ESRRG: variants seen among roughly 807,000 people sequenced by gnomAD.
ESRRG encodes estrogen-related receptor gamma.
ESRRG carries 13 observed loss-of-function variants against 44.0 expected under a neutral mutation model. The ratio of observed to expected loss-of-function variants is 0.30; its 90% confidence interval spans 0.19 to 0.47. The LOEUF (loss-of-function observed/expected upper bound fraction) is 0.47, where lower values mean the gene tolerates loss of function less well. Among genes scored for constraint, ESRRG ranks in the 20% least tolerant of loss-of-function variants. The pLI, the probability that ESRRG is intolerant of heterozygous loss-of-function variation, is 1.00. For missense variants in ESRRG, 395 were observed against 580.6 expected, an observed-to-expected ratio of 0.68 and a Z score of 3.29; for synonymous variants, 215 against 214.6, an observed-to-expected ratio of 1.00 and a Z score of -0.02.
chr1:216,907,857 G>A (rs566192329), intron 2 of ESRRG, among the ~76,000 whole-genome samples: 64 of 152,240 alleles, frequency 4.2e-4, no homozygotes, highest in Non-Finnish European at 6.6e-4. Context: ...ACAAAGAATC[G>A]AGATCACCCT....
intron 2 of ESRRG, among the ~76,000 whole-genome samples, chr1:216,887,910 T>C (rs528542373): frequency 6.6e-6 from 1 of 152,322 alleles, no homozygotes; most frequent in South Asian, 2.1e-4. Flanking sequence ...AGGAGCTAAA[T>C]CTTAGATGCA....
At chr1:216,801,978 A>C (rs1369960136) in intron 2 of ESRRG, among the ~76,000 whole-genome samples, 1 of 152,140 alleles carries the variant, frequency 6.6e-6, no homozygotes, top group African/African-American at 2.4e-5. Flanking sequence ...GAGAGACAAA[A>C]ATGAGTTCAT....
At chr1:216,749,402 G>C (rs1001245324) in intron 2 of ESRRG, among the ~76,000 whole-genome samples, 1 of 152,104 alleles carries the variant, frequency 6.6e-6, no homozygotes, top group Non-Finnish European at 1.5e-5. Context: ...TGAATACAAA[G>C]TGATTAGAGA....
intron 3 of ESRRG, among the ~76,000 whole-genome samples, chr1:216,579,770 C>T (rs1055097779): frequency 6.6e-6 from 1 of 152,082 alleles, no homozygotes; most frequent in East Asian, 1.9e-4. Context: ...ACACATTTTC[C>T]CATTCACAAG....
chr1:216,600,533 C>CT (rs1380577569), intron 3 of ESRRG, among the ~76,000 whole-genome samples: 1 of 152,076 alleles, frequency 6.6e-6, no homozygotes, highest in East Asian at 1.9e-4. Flanking sequence ...TGTTTTTTAA[C>CT]TTTTAAGTTC....
chr1:217,104,590 G>C (rs1343626084), intron 1 of ESRRG, among the ~76,000 whole-genome samples: 3 of 152,128 alleles, frequency 2.0e-5, no homozygotes, highest in Non-Finnish European at 4.4e-5. Context: ...AAGGATGATG[G>C]GGTAAATGAG....
intron 1 of ESRRG, among the ~76,000 whole-genome samples, chr1:216,978,574 T>G (rs1272876226): frequency 6.6e-6 from 1 of 152,172 alleles, no homozygotes; most frequent in East Asian, 1.9e-4. Flanking sequence ...ACATCCAATA[T>G]CTATCTTTCA....
At chr1:216,942,217 C>T (rs1218849441) in intron 1 of ESRRG, among the ~76,000 whole-genome samples, 2 of 152,178 alleles carry the variant, frequency 1.3e-5, no homozygotes. Flanking sequence ...CCTCCAGCTG[C>T]ATCCACGTTG....
At chr1:216,630,656 T>G (rs2064000898) in intron 3 of ESRRG, among the ~76,000 whole-genome samples, 1 of 152,126 alleles carries the variant, frequency 6.6e-6, no homozygotes, top group South Asian at 2.1e-4. Flanking sequence ...GTACTACTGT[T>G]CTCTGAACAA....
intron 2 of ESRRG, among the ~76,000 whole-genome samples, chr1:216,652,884 T>C (rs980525211): frequency 3.9e-5 from 6 of 152,168 alleles, no homozygotes; most frequent in Admixed American, 3.3e-4. Context: ...TTCCACCCTG[T>C]TCGGCTCCCC....
At chr1:216,790,727 C>G (rs17043841) in intron 2 of ESRRG, among the ~76,000 whole-genome samples, 4,897 of 152,090 alleles carry the variant, frequency 0.032, 209 homozygotes, top group East Asian at 0.13. Flanking sequence ...AGATTGTAGG[C>G]AGTAAAAAAG....
chr1:216,907,301 C>T (rs900629857), intron 2 of ESRRG, among the ~76,000 whole-genome samples: 1 of 152,194 alleles, frequency 6.6e-6, no homozygotes, highest in Non-Finnish European at 1.5e-5. Flanking sequence ...CATCCCACTG[C>T]TGGTGATTAA....
chr1:216,513,645 C>T (rs1428528865), intron 6 of ESRRG, among the ~76,000 whole-genome samples: 1 of 152,078 alleles, frequency 6.6e-6, no homozygotes, highest in African/African-American at 2.4e-5. Flanking sequence ...GTTGTAGTTT[C>T]TTTCCTTCAG....
intron 2 of ESRRG, among the ~76,000 whole-genome samples, chr1:216,737,397 A>G (rs1019993927): frequency 4.2e-5 from 1 of 23,618 alleles, no homozygotes; most frequent in Non-Finnish European, 1.1e-4. Context: ...CCAATCTCAT[A>G]TTGTTGCTAA....
rs570181982 is a variant in ESRRG at position 216,550,200 on chromosome 1, G to A, written c.862+14019C>T. 7.9e-5 allele frequency among the ~76,000 whole-genome samples: 12 copies of A among 152,184 alleles called. No homozygotes were observed. The Middle Eastern group carries it at 0.01, about 129-fold the overall frequency. ...AATAGTGTTTGGTTTGTGTAATTAC[G>A]TCCATCTATCTTTATATTCCAGCGG... On this transcript the variant is annotated intron_variant, in intron 5 of 6. Transcript: ENST00000408911.
At chr1:217,082,607 CA>C (rs1218805758) in intron 1 of ESRRG, among the ~76,000 whole-genome samples, 2 of 152,030 alleles carry the variant, frequency 1.3e-5, no homozygotes, top group Non-Finnish European at 2.9e-5. Flanking sequence ...TCACATCTCA[CA>C]GCTCAGTTAA....
chr1:217,010,952 C>T (rs1343596262), intron 1 of ESRRG, among the ~76,000 whole-genome samples: 1 of 152,170 alleles, frequency 6.6e-6, no homozygotes, highest in Non-Finnish European at 1.5e-5. Flanking sequence ...AAATGCCTTT[C>T]ATCTCTGGTA....
chr1:216,860,980 A>T (rs1219435521), intron 2 of ESRRG, among the ~76,000 whole-genome samples: 1 of 152,154 alleles, frequency 6.6e-6, no homozygotes, highest in African/African-American at 2.4e-5. Context: ...GAAACATGGA[A>T]ATATATTATT....
chr1:216,807,234 C>T (rs1399569532), intron 2 of ESRRG, among the ~76,000 whole-genome samples: 2 of 152,080 alleles, frequency 1.3e-5, no homozygotes, highest in South Asian at 2.1e-4. Context: ...TCCTTTCACC[C>T]GCAAAGACGG....
Sources: allele counts gnomAD v4.1 joint callset (sites outside exome capture counted in the v4.1 genomes callset), GRCh38; gene constraint gnomAD v4.1.1; transcripts MANE v1.5; gene names NCBI Gene and HGNC (gene_info 2026-07-23, HGNC 2026-07-21).